PYGB: variants seen among roughly 807,000 people sequenced by gnomAD.
PYGB encodes the protein glycogen phosphorylase, brain form.
PYGB carries 82 observed loss-of-function variants against 94.3 expected under a neutral mutation model. That is an observed-to-expected ratio of 0.87 (90% confidence interval 0.73 to 1.04). The LOEUF is 1.04. PYGB is among the 50% of genes least tolerant of loss of function. The pLI is 0.00. For missense variants in PYGB, 1,132 were observed against 1,158.2 expected, an observed-to-expected ratio of 0.98 and a Z score of 0.33; for synonymous variants, 488 against 479.1, an observed-to-expected ratio of 1.02 and a Z score of -0.24.
chr20:25,271,173 C>A (rs1212082114), intron 3 of PYGB, among the ~76,000 whole-genome samples: 1 of 152,116 alleles, frequency 6.6e-6, no homozygotes. Flanking sequence ...CCCATCCTCC[C>A]ACGCCCTTCG....
intron 6 of PYGB, 107 bp downstream of exon 6, chr20:25,276,864 G>A (rs1228979998): frequency 2.2e-5 from 23 of 1,026,634 alleles, no homozygotes; most frequent in South Asian, 3.0e-5. Flanking sequence ...CCTGGAGGCC[G>A]CGCGGCCCTC....
intron 7 of PYGB, among the ~76,000 whole-genome samples, chr20:25,277,870 A>G (rs145412528): frequency 6.6e-6 from 1 of 152,350 alleles, no homozygotes; most frequent in Non-Finnish European, 1.5e-5. Context: ...TTGTTGCCTG[A>G]CAAGTCCTTA....
chr20:25,252,453 T>G (rs1010527665), intron 1 of PYGB, among the ~76,000 whole-genome samples: 2 of 152,164 alleles, frequency 1.3e-5, no homozygotes, highest in Non-Finnish European at 2.9e-5. Flanking sequence ...TAGCCTCGGA[T>G]CCCACAGGCT....
At chr20:25,252,131 CAA>C (rs2123506396) in intron 1 of PYGB, among the ~76,000 whole-genome samples, 1 of 152,318 alleles carries the variant, frequency 6.6e-6, no homozygotes, top group South Asian at 2.1e-4. Context: ...GCAGATCGCT[CAA>C]AGTCATTTTC....
Position 25,255,869 on chromosome 20 carries a change from G to A in PYGB, c.244-3368G>A, listed in dbSNP as rs569132652. 4.6e-5 allele frequency among the ~76,000 whole-genome samples: 7 copies of A among 152,214 alleles called. No individual in the cohort carries two copies. In the East Asian group the frequency reaches 1.4e-3, roughly 29 times the overall value. On this transcript the variant is annotated intron_variant, in intron 1 of 19. Coordinates refer to ENST00000216962, the MANE Select transcript of PYGB (RefSeq NM_002862.4). ...CTGCCTCAGCCTTCCGAATAGGTGG[G>A]ATTACAGGTGTGCACCACCACGCCC... is the stretch of plus-strand genomic sequence containing the variant.
chr20:25,274,771 G>T, intron 5 of PYGB, 48 bp downstream of exon 5: 1 of 1,589,624 alleles, frequency 6.3e-7, no homozygotes, highest in Non-Finnish European at 8.5e-7. Flanking sequence ...CAGGTGAGGG[G>T]GCTGCTGCGG....
intron 17 of PYGB, chr20:25,293,952 A>T (rs2088499863): frequency 3.3e-6 from 2 of 612,856 alleles, no homozygotes; most frequent in African/African-American, 3.7e-5. Flanking sequence ...TTGGCTTTAG[A>T]CTGACTTCAC....
chr20:25,285,921 G>A (rs190018425), intron 14 of PYGB, among the ~76,000 whole-genome samples: 4 of 152,186 alleles, frequency 2.6e-5, no homozygotes, highest in African/African-American at 4.8e-5. Flanking sequence ...CAACCTTCCC[G>A]AGTTCTTGCT....
intron 4 of PYGB, among the ~76,000 whole-genome samples, chr20:25,272,638 C>A (rs1159141693): frequency 6.6e-6 from 1 of 152,222 alleles, no homozygotes; most frequent in Middle Eastern, 3.2e-3. Flanking sequence ...AAAGAAATGG[C>A]TAAAAGTAAC....
intron 19 of PYGB, among the ~76,000 whole-genome samples, 179 bp downstream of exon 19, chr20:25,295,849 T>A (rs1568702261): frequency 6.6e-6 from 1 of 152,188 alleles, no homozygotes; most frequent in Non-Finnish European, 1.5e-5. Context: ...ACTGTCAATG[T>A]CACTCCCTCC....
chr20:25,272,945 T>G (rs945063142), intron 4 of PYGB, among the ~76,000 whole-genome samples: 7 of 152,232 alleles, frequency 4.6e-5, no homozygotes, highest in African/African-American at 1.7e-4. Flanking sequence ...GGAGACATTT[T>G]TCCTTCTGGT....
Position 25,281,045 on chromosome 20 carries a change from T to G in PYGB, c.1336T>G (p.Cys446Gly), listed in dbSNP as rs2088362483. Reference sequence around the variant, plus strand: ...CAAGCGGATCAACATGGCCCACCTGTGTGTGATTGGGTCCCATGCTGTCAA... The same window carrying G: ...CAAGCGGATCAACATGGCCCACCTGGGTGTGATTGGGTCCCATGCTGTCAA... Reference protein sequence around the residue: ...DCKRINMAHLCVIGSHAVNGV... With the variant: ...DCKRINMAHLGVIGSHAVNGV... Residue 446 changes from cysteine to glycine, a missense_variant, in exon 11 of 20, where the codon TGT becomes GGT. Transcript: ENST00000216962. 1.9e-6 allele frequency: 3 copies of G among 1,614,042 alleles called. No individual in the cohort carries two copies. Among genetic ancestry groups the G allele is most frequent in the Non-Finnish European group, 2.5e-6 (3 of 1,180,022 alleles).
chr20:25,291,899 G>A (rs2088470744), intron 16 of PYGB, among the ~76,000 whole-genome samples: 1 of 151,978 alleles, frequency 6.6e-6, no homozygotes, highest in East Asian at 2.0e-4. Context: ...CAGTCCTGAG[G>A]GACAGGCACA....
Position 25,296,681 on chromosome 20 carries a change from C to A in PYGB, c.*159C>A. 1 of 965,258 alleles carries A rather than the reference C, an allele frequency of 1.0e-6. No individual in the cohort carries two copies. The highest frequency in any genetic ancestry group is 1.5e-6 in the Non-Finnish European group (1 of 670,522). The allele number at this position is 965,258 out of a possible 1,614,324, so 59.8% of individuals were successfully genotyped here. On this transcript the variant is annotated 3_prime_UTR_variant, in exon 20 of 20. Transcript: ENST00000216962. ...GGGGGTCAGGGTGGTTTTGAGAGAG[C>A]AGGGTAAGGAAGGAATGTGCTAGAA...
At chr20:25,285,568 C>T (rs961472928) in intron 14 of PYGB, 2 of 152,046 alleles carry the variant, frequency 1.3e-5, no homozygotes, top group Non-Finnish European at 1.5e-5. Context: ...TTGAACGACA[C>T]GCTGTGATTT....
rs1247917561 is a variant in PYGB, at chr20:25,290,358, C to T, written c.1828-123C>T. ...GAGCCTCCCTAGCTCCTCTACTGAC[C>T]GTCCCGACGGCAGGTTCCTGTGGCT... is the stretch of plus-strand genomic sequence containing the variant. On this transcript the variant is annotated intron_variant, in intron 15 of 19. Coordinates refer to ENST00000216962, the MANE Select transcript of PYGB (RefSeq NM_002862.4). The T allele has an allele frequency of 4.0e-5, 52 of 1,296,202 alleles. No individual in the cohort carries two copies. The Middle Eastern group carries it at 8.3e-4, about 21-fold the overall frequency. The allele number at this position is 1,296,202 out of a possible 1,614,324, so 80.3% of individuals were successfully genotyped here. A position where few individuals can be genotyped will look rare whatever the true frequency, so the allele number is the denominator to read the frequency against.
At position 25,294,248 on chromosome 20, in the gene PYGB, A is replaced by G. The variant is rs1386960046; in HGVS notation, c.2268A>G (p.Pro756=). Residue 756 remains proline (P), a synonymous_variant, in exon 18 of 20, where the codon CCA becomes CCG. Coordinates refer to ENST00000216962, the MANE Select transcript of PYGB (RefSeq NM_002862.4). ...ISSGFFSPKE[P]DCFKDIVNML... Reference sequence around the variant, plus strand: ...GTGGCTTTTTTTCTCCCAAGGAGCCAGACTGCTTCAAGGACATCGTGAACA... The same window carrying G: ...GTGGCTTTTTTTCTCCCAAGGAGCCGGACTGCTTCAAGGACATCGTGAACA... The G allele has an allele frequency of 3.2e-6, 5 of 1,545,608 alleles. No homozygotes were observed. Among genetic ancestry groups the G allele is most frequent in the Non-Finnish European group, 3.5e-6 (4 of 1,137,212 alleles).
intron 1 of PYGB, among the ~76,000 whole-genome samples, chr20:25,248,738 C>T (rs2092878798): frequency 6.6e-6 from 1 of 152,252 alleles, no homozygotes; most frequent in South Asian, 2.1e-4. Flanking sequence ...CGTGCGCTTC[C>T]GCGCTGGCTG....
At chr20:25,295,458 C>G in intron 18 of PYGB, 146 bp from the exon 19 acceptor site, 1 of 858,304 alleles carries the variant, frequency 1.2e-6, no homozygotes, top group Non-Finnish European at 1.9e-6. Context: ...TGCAGCCTGG[C>G]TCTGACCAGC....
Sources: gnomAD v4.1 joint callset for allele counts (sites outside exome capture counted in the v4.1 genomes callset) on GRCh38, gnomAD v4.1.1 for gene constraint, MANE v1.5 for transcripts, NCBI Gene and HGNC (gene_info 2026-07-23, HGNC 2026-07-21) for gene names.